The following TM4SF4 variants were observed in gnomAD, a reference collection of about 807,000 sequenced individuals.
The protein encoded by TM4SF4 is transmembrane 4 L6 family member 4.
Under a neutral mutation model 24.1 loss-of-function variants are expected in TM4SF4, and 24 were observed. The ratio of observed to expected loss-of-function variants is 1.00; its 90% CI spans 0.72 to 1.40. The LOEUF (loss-of-function observed/expected upper bound fraction) is 1.40. Among genes scored for constraint, TM4SF4 ranks in the 40% most tolerant of loss-of-function variants. The pLI, the probability that TM4SF4 is intolerant of heterozygous loss-of-function variation, is 0.00. For missense variants in TM4SF4, 254 were observed against 254.2 expected (o/e 1.00, Z 0.01); for synonymous variants, 113 against 97.0 (o/e 1.17, Z -0.97).
intron 1 of TM4SF4, among the ~76,000 whole-genome samples, chr3:149,475,505 C>T (rs192612239): frequency 7.9e-5 from 12 of 152,230 alleles, no homozygotes; most frequent in African/African-American, 1.7e-4. Context: ...TGGGAACCTC[C>T]GTTTGAGAGA....
chr3:149,482,685 A>G (rs1001053984), intron 2 of TM4SF4, among the ~76,000 whole-genome samples: 1 of 152,112 alleles, frequency 6.6e-6, no homozygotes, highest in Non-Finnish European at 1.5e-5. Flanking sequence ...CTAGGACTAC[A>G]AGCACACACC....
intron 4 of TM4SF4, among the ~76,000 whole-genome samples, chr3:149,499,729 G>A (rs939030518): frequency 6.6e-6 from 1 of 151,996 alleles, no homozygotes; most frequent in African/African-American, 2.4e-5. Context: ...AAATAAGAAG[G>A]TCAAGCATAG....
At chr3:149,487,547 G>A (rs1462116042) in intron 2 of TM4SF4, 72 bp from the exon 3 acceptor site, 1 of 1,574,760 alleles carries the variant, frequency 6.4e-7, no homozygotes, top group African/African-American at 1.3e-5. Flanking sequence ...TCAACAGCAG[G>A]TGGATTAGGT....
intron 2 of TM4SF4, among the ~76,000 whole-genome samples, chr3:149,487,061 C>T (rs1734128800): frequency 6.6e-6 from 1 of 152,166 alleles, no homozygotes. Context: ...CAAGACCAGC[C>T]TAGCCAACAT....
chr3:149,489,529 A>G (rs1734175649), intron 3 of TM4SF4, among the ~76,000 whole-genome samples: 1 of 152,236 alleles, frequency 6.6e-6, no homozygotes, highest in African/African-American at 2.4e-5. Flanking sequence ...TGCAGGAACT[A>G]ACACCCTCCC....
intron 2 of TM4SF4, among the ~76,000 whole-genome samples, chr3:149,479,955 G>T (rs1426090179): frequency 6.6e-6 from 1 of 152,166 alleles, no homozygotes; most frequent in African/African-American, 2.4e-5. Flanking sequence ...CAGAGATAAA[G>T]CAAGACAATA....
chr3:149,486,899 G>T, intron 2 of TM4SF4, among the ~76,000 whole-genome samples: 1 of 152,140 alleles, frequency 6.6e-6, no homozygotes, highest in East Asian at 1.9e-4. Flanking sequence ...AGTAGAACCT[G>T]CCTGTCACAT....
At chr3:149,493,255 A>G (rs1734247455) in intron 3 of TM4SF4, among the ~76,000 whole-genome samples, 1 of 152,262 alleles carries the variant, frequency 6.6e-6, no homozygotes, top group South Asian at 2.1e-4. Context: ...AAGGCTCAAA[A>G]AAAACCTCTT....
At chr3:149,497,035 G>C (rs1017330154) in intron 3 of TM4SF4, among the ~76,000 whole-genome samples, 1 of 152,158 alleles carries the variant, frequency 6.6e-6, no homozygotes, top group African/African-American at 2.4e-5. Flanking sequence ...AAAAGAAACT[G>C]ATGTTAAAGG....
intron 2 of TM4SF4, among the ~76,000 whole-genome samples, chr3:149,476,839 G>A (rs1271346897): frequency 7.3e-6 from 1 of 136,880 alleles, no homozygotes; most frequent in Admixed American, 7.8e-5. Context: ...TTTGAGACAG[G>A]GTCTCACTCT....
chr3:149,476,823 T>TG (rs1733940138), intron 2 of TM4SF4, among the ~76,000 whole-genome samples: 1 of 142,428 alleles, frequency 7.0e-6, no homozygotes, highest in Non-Finnish European at 1.5e-5. Context: ...TGTTTTTTTT[T>TG]TTTTTTTTGA....
At position 149,474,764 on chromosome 3, in the gene TM4SF4, C is replaced by A; in HGVS notation, c.-114C>A. ...AAATTTGGTTCTCAGCCCCAAAATA[C>A]TGATTGAATTGGAGACAATTACAAG... On this transcript the variant is annotated 5_prime_UTR_variant, in exon 1 of 5. The change creates a new upstream start codon in the 5' untranslated region. Coordinates refer to ENST00000305354, the MANE Select transcript of TM4SF4 (RefSeq NM_004617.4). 8.5e-7 allele frequency: 1 copy of A among 1,177,150 alleles called. No individual in the cohort carries two copies. Among genetic ancestry groups the A allele is most frequent in the Non-Finnish European group, 1.2e-6 (1 of 855,532 alleles). 72.9% of individuals were successfully genotyped at this position (1,177,150 alleles called of 1,614,324 possible). A position where few individuals can be genotyped will look rare whatever the true frequency, so the allele number is the denominator to read the frequency against.
At chr3:149,492,970 C>T (rs945872907) in intron 3 of TM4SF4, among the ~76,000 whole-genome samples, 1 of 152,148 alleles carries the variant, frequency 6.6e-6, no homozygotes, top group Admixed American at 6.5e-5. Flanking sequence ...CTAGCCACAC[C>T]TCTGCCATAT....
At chr3:149,477,315 A>G (rs1227130382) in intron 2 of TM4SF4, among the ~76,000 whole-genome samples, 1 of 152,250 alleles carries the variant, frequency 6.6e-6, no homozygotes, top group African/African-American at 2.4e-5. Flanking sequence ...GATGAGGCAG[A>G]AATGAAGCAT....
intron 3 of TM4SF4, among the ~76,000 whole-genome samples, chr3:149,491,282 C>T (rs1734204590): frequency 1.1e-5 from 1 of 92,366 alleles, no homozygotes; most frequent in Non-Finnish European, 2.7e-5. Context: ...CTCCCTGCTC[C>T]AGCGCCCCTC....
intron 1 of TM4SF4, 125 bp from the exon 2 acceptor site, chr3:149,475,698 T>TA: frequency 1.3e-6 from 1 of 751,394 alleles, no homozygotes; most frequent in Non-Finnish European, 2.3e-6. Context: ...CATGCTCTGT[T>TA]ACTTTGCCAT....
At position 149,487,643 on chromosome 3, in the gene TM4SF4, GTGGTTGGATTCT is replaced by G; in HGVS notation, c.293_304del (p.Val98_Leu101del). The G allele has an allele frequency of 6.2e-7, 1 of 1,614,030 alleles. No individual in the cohort carries two copies. The highest frequency in any genetic ancestry group is 8.5e-7 in the Non-Finnish European group (1 of 1,179,890). On this transcript the variant is annotated inframe_deletion, in exon 3 of 5. Transcript: ENST00000305354. ...GATGTTCACCTCCACGATATTTGCT[GTGGTTGGATTCT>G]TGGGAGCTGGATACTCGTTTATCAT...
chr3:149,478,155 G>C (rs1314948566), intron 2 of TM4SF4, among the ~76,000 whole-genome samples: 4 of 152,200 alleles, frequency 2.6e-5, no homozygotes, highest in African/African-American at 9.7e-5. Flanking sequence ...TGTTGTTGTT[G>C]TTTGTTTGAG....
Position 149,502,934 on chromosome 3 carries a change from T to C in TM4SF4, c.*241T>C, listed in dbSNP as rs920383480. On this transcript the variant is annotated 3_prime_UTR_variant, in exon 5 of 5. Transcript: ENST00000305354. ...ATAAATCTTTCAAATTAGTTCCTTT[T>C]TAGAATTTACCAACAGGTTCAAAGC... is the stretch of plus-strand genomic sequence containing the variant. 3 of 451,084 alleles carry C rather than the reference T, an allele frequency of 6.7e-6. No homozygotes were observed. Among genetic ancestry groups the C allele is most frequent in the Non-Finnish European group, 1.2e-5 (3 of 255,070 alleles). The allele number at this position is 451,084 out of a possible 1,614,324, so 27.9% of individuals were successfully genotyped here. A position where few individuals can be genotyped will look rare whatever the true frequency, so the allele number is the denominator to read the frequency against.
Sources: allele counts gnomAD v4.1 joint callset (sites outside exome capture counted in the v4.1 genomes callset), GRCh38; gene constraint gnomAD v4.1.1; transcripts MANE v1.5; gene names NCBI Gene and HGNC (gene_info 2026-07-23, HGNC 2026-07-21).